The following PAX5 variants were observed in gnomAD, a reference collection of about 807,000 sequenced individuals.
PAX5 encodes paired box protein Pax-5.
Under a neutral mutation model 43.7 loss-of-function variants are expected in PAX5, and 9 were observed. The observed-to-expected ratio is 0.21, with a 90% CI of 0.12 to 0.36. The LOEUF (loss-of-function observed/expected upper bound fraction) is 0.36, where lower values mean the gene tolerates loss of function less well. Ranked by LOEUF, PAX5 falls within the 10% of genes least tolerant of loss-of-function variation. PAX5 has a pLI of 1.00. For missense variants in PAX5, 383 were observed against 532.7 expected, an observed-to-expected ratio of 0.72 and a Z score of 2.77; for synonymous variants, 228 against 214.3, an observed-to-expected ratio of 1.06 and a Z score of -0.56.
At position 36,838,616 on chromosome 9, in the gene PAX5, G is replaced by C. The variant is rs963220544; in HGVS notation, c.*1944C>G. On this transcript the variant is annotated 3_prime_UTR_variant, in exon 10 of 10. Transcript: ENST00000358127. ...GGAAGTTGGGCTAGGTCTTTTTCCA[G>C]GCTCTTCTGATTCCCGCCCCTCCGA... 2 of 233,098 alleles carry C rather than the reference G, an allele frequency of 8.6e-6. No individual in the cohort carries two copies. Among genetic ancestry groups the C allele is most frequent in the Non-Finnish European group, 1.7e-5 (2 of 118,066 alleles). The allele number at this position is 233,098 out of a possible 1,614,324, so 14.4% of individuals were successfully genotyped here.
At chr9:36,984,255 G>A (rs193164848) in intron 5 of PAX5, among the ~76,000 whole-genome samples, 131 of 152,160 alleles carry the variant, frequency 8.6e-4, no homozygotes, top group Non-Finnish European at 1.7e-3. Flanking sequence ...GAGCAAGGCA[G>A]GTGGGACTAA....
chr9:36,932,488 A>G (rs961862611), intron 6 of PAX5, among the ~76,000 whole-genome samples: 9 of 152,236 alleles, frequency 5.9e-5, no homozygotes, highest in Non-Finnish European at 4.4e-5. Flanking sequence ...GTCCAGACAT[A>G]TAGGATAGCC....
intron 7 of PAX5, among the ~76,000 whole-genome samples, chr9:36,917,544 T>A (rs1005847718): frequency 1.3e-5 from 2 of 152,260 alleles, no homozygotes; most frequent in Admixed American, 1.3e-4. Flanking sequence ...CAACTAAACA[T>A]GTCTGTGGGC....
chr9:36,855,652 C>A (rs769938241), intron 8 of PAX5, among the ~76,000 whole-genome samples: 1 of 152,108 alleles, frequency 6.6e-6, no homozygotes, highest in Non-Finnish European at 1.5e-5. Context: ...CGCCTGGTGG[C>A]GGTCAAGGCC....
chr9:36,851,583 CAT>C (rs1823165002), intron 8 of PAX5, among the ~76,000 whole-genome samples: 1 of 152,158 alleles, frequency 6.6e-6, no homozygotes, highest in South Asian at 2.1e-4. Flanking sequence ...TTAAGGAGAA[CAT>C]AGGATTTTCC....
rs946288986 is a variant in PAX5 at position 36,973,300 on chromosome 9, C to T, written c.605-6576G>A. ...ATCGGCCCAGTTTGCTGCTTGTAAC[C>T]ACAGGCCTCTGGCACTGCCTGCATG... is the stretch of plus-strand genomic sequence containing the variant. On this transcript the variant is annotated intron_variant, in intron 5 of 9. Coordinates refer to ENST00000358127, the MANE Select transcript of PAX5 (RefSeq NM_016734.3). Among the ~76,000 whole-genome samples, 16 of 152,240 alleles carry T rather than the reference C, an allele frequency of 1.1e-4. 1 individual carries two copies. The highest frequency in any genetic ancestry group is 9.8e-4 in the Admixed American group (15 of 15,286).
intron 6 of PAX5, among the ~76,000 whole-genome samples, chr9:36,930,570 T>C (rs1042249737): frequency 4.6e-5 from 7 of 152,098 alleles, no homozygotes; most frequent in Admixed American, 2.0e-4. Context: ...TTTGACCCAG[T>C]GGGGGAAAAA....
intron 3 of PAX5, among the ~76,000 whole-genome samples, chr9:37,011,114 C>G (rs566104875): frequency 3.5e-5 from 5 of 143,956 alleles, no homozygotes; most frequent in Admixed American, 2.8e-4. Flanking sequence ...GAGTGAGACC[C>G]TGTCTCAAAA....
At chr9:36,901,359 C>G (rs111450138) in intron 7 of PAX5, among the ~76,000 whole-genome samples, 8 of 152,294 alleles carry the variant, frequency 5.3e-5, no homozygotes, top group African/African-American at 1.9e-4. Flanking sequence ...CAAGTGTCAC[C>G]TCCCTCAGGA....
intron 8 of PAX5, among the ~76,000 whole-genome samples, chr9:36,854,059 C>T (rs771861657): frequency 3.3e-5 from 5 of 152,238 alleles, no homozygotes; most frequent in Admixed American, 6.5e-5. Context: ...AAAGTGACTT[C>T]GCAGCCAAGT....
intron 7 of PAX5, among the ~76,000 whole-genome samples, chr9:36,884,119 T>C (rs567778160): frequency 3.3e-4 from 51 of 152,346 alleles, no homozygotes; most frequent in Middle Eastern, 6.8e-3. Context: ...TCCCAGGATA[T>C]ATAAAACTAA....
intron 1 of PAX5, among the ~76,000 whole-genome samples, chr9:37,025,164 C>T (rs1287441874): frequency 6.6e-6 from 1 of 152,162 alleles, no homozygotes; most frequent in African/African-American, 2.4e-5. Flanking sequence ...GAACAGGGGG[C>T]TCCTCTGCAC....
intron 3 of PAX5, 93 bp downstream of exon 3, chr9:37,014,904 G>C (rs1839263573): frequency 8.4e-7 from 1 of 1,196,478 alleles, no homozygotes; most frequent in Admixed American, 2.0e-5. Context: ...GGTGAAAAAA[G>C]AGACCAGATC....
At chr9:36,942,601 G>A in intron 6 of PAX5, among the ~76,000 whole-genome samples, 1 of 152,238 alleles carries the variant, frequency 6.6e-6, no homozygotes. Context: ...GTGCTCAGCT[G>A]CTGACACAGC....
chr9:36,942,726 C>T (rs552195438), intron 6 of PAX5, among the ~76,000 whole-genome samples: 11 of 152,326 alleles, frequency 7.2e-5, no homozygotes, highest in African/African-American at 2.2e-4. Flanking sequence ...CCCATGATCA[C>T]GCCATTAATA....
At chr9:36,857,800 T>G (rs557243173) in intron 8 of PAX5, among the ~76,000 whole-genome samples, 1 of 152,370 alleles carries the variant, frequency 6.6e-6, no homozygotes, top group South Asian at 2.1e-4. Context: ...AAGACACGAC[T>G]GTCCTTGCTT....
At chr9:36,921,041 G>C (rs1830133939) in intron 7 of PAX5, among the ~76,000 whole-genome samples, 1 of 152,094 alleles carries the variant, frequency 6.6e-6, no homozygotes, top group Non-Finnish European at 1.5e-5. Context: ...TAGAACCCCT[G>C]ACCTCAGGTG....
chr9:36,919,061 G>C (rs535791797), intron 7 of PAX5, among the ~76,000 whole-genome samples: 1 of 152,164 alleles, frequency 6.6e-6, no homozygotes, highest in African/African-American at 2.4e-5. Flanking sequence ...CTTGTTAGGG[G>C]CTAATATAGC....
At chr9:36,852,894 G>T (rs1823300303) in intron 8 of PAX5, among the ~76,000 whole-genome samples, 1 of 152,120 alleles carries the variant, frequency 6.6e-6, no homozygotes, top group Admixed American at 6.5e-5. Flanking sequence ...CAGACCCCAG[G>T]GATCCCACCA....
Sources: gnomAD v4.1 joint callset for allele counts (sites outside exome capture counted in the v4.1 genomes callset) on GRCh38, gnomAD v4.1.1 for gene constraint, MANE v1.5 for transcripts, NCBI Gene and HGNC (gene_info 2026-07-23, HGNC 2026-07-21) for gene names.